The following OR56A3 variants were observed in gnomAD, a reference collection of about 807,000 sequenced individuals.
OR56A3 encodes olfactory receptor family 56 subfamily A member 3.
A neutral mutation model predicts 17.5 loss-of-function variants in OR56A3; 23 were observed. The ratio of observed to expected loss-of-function variants is 1.32; its 90% CI spans 0.95 to 1.87. The LOEUF is 1.87. Among genes scored for constraint, OR56A3 ranks in the 40% most tolerant of loss-of-function variants. The probability of loss-of-function intolerance (pLI) is 0.00; values close to 1 mark genes in which losing one functional copy is unlikely to be tolerated. For missense variants in OR56A3, 366 were observed against 380.1 expected (o/e 0.96, Z 0.31); for synonymous variants, 175 against 150.6 (o/e 1.16, Z -1.19).
the OR56A3 span, among the ~76,000 whole-genome samples, chr11:6,018,869 C>T: frequency 2.0e-5 from 3 of 151,756 alleles, no homozygotes; most frequent in South Asian, 2.1e-4. Flanking sequence ...CATAGAAATA[C>T]AAAATATTAT....
At chr11:5,969,491 G>A in the OR56A3 span, among the ~76,000 whole-genome samples, 7 of 152,076 alleles carry the variant, frequency 4.6e-5, no homozygotes, top group Non-Finnish European at 7.4e-5. Flanking sequence ...CAGCAGAATC[G>A]AGGCTCTATC....
chr11:6,005,010 A>G, the OR56A3 span, among the ~76,000 whole-genome samples: 2 of 152,158 alleles, frequency 1.3e-5, no homozygotes, highest in African/African-American at 2.4e-5. Flanking sequence ...TAAGGAGACA[A>G]TATTTCACAT....
At chr11:5,955,567 C>G (rs1847927986), downstream of OR56A3, among the ~76,000 whole-genome samples, 1 of 152,028 alleles carries the variant, frequency 6.6e-6, no homozygotes, top group African/African-American at 2.4e-5. Context: ...AAGCGGGCAC[C>G]TTGGGAGATT....
At chr11:6,013,808 G>A in the OR56A3 span, among the ~76,000 whole-genome samples, 11 of 152,012 alleles carry the variant, frequency 7.2e-5, no homozygotes, top group African/African-American at 2.2e-4. Flanking sequence ...TGCCACCACC[G>A]GCACCCACCT....
chr11:5,947,843 T>C lies in OR56A3; in HGVS notation c.497T>C (p.Leu166Pro), dbSNP rs201306705. 379 of 1,614,082 alleles carry C rather than the reference T, an allele frequency of 2.3e-4. No homozygotes were observed. Among genetic ancestry groups the C allele is most frequent in the Non-Finnish European group, 3.0e-4 (356 of 1,180,044 alleles). The change falls in exon 3 of 3, where the codon CTT becomes CCT. Residue 166 changes from leucine to proline, a missense_variant. Coordinates refer to ENST00000641160, the MANE Select transcript of OR56A3 (RefSeq NM_001003443.3). ...NVLMTLPIPI[L>P]SAQLRYCGRN... ...CTTATGACTCTGCCCATCCCCATCC[T>C]TTCAGCACAACTCCGTTATTGTGGA...
Position 5,947,563 on chromosome 11 carries a change from C to G in OR56A3, c.217C>G (p.Leu73Val). 8.1e-6 allele frequency: 13 copies of G among 1,614,176 alleles called. No homozygotes were observed. Among genetic ancestry groups the G allele is most frequent in the Non-Finnish European group, 1.0e-5 (12 of 1,180,038 alleles). The change falls in exon 3 of 3, where the codon CTG becomes GTG. Residue 73 changes from leucine to valine, a missense_variant. Transcript: ENST00000641160. ...CTACCTGCTCAGCCTCCTCTCCCTGCTGGACATCGTGCTCTGCCTCACTGT... is the reference window on the plus strand; with the variant it reads ...CTACCTGCTCAGCCTCCTCTCCCTGGTGGACATCGTGCTCTGCCTCACTGT... ...LYYLLSLLSL[L>V]DIVLCLTVIP...
At chr11:6,009,649 C>A in the OR56A3 span, among the ~76,000 whole-genome samples, 4 of 152,138 alleles carry the variant, frequency 2.6e-5, no homozygotes, top group Admixed American at 1.3e-4. Flanking sequence ...ATTGCCGCTC[C>A]TCTATAGGTA....
chr11:5,974,511 C>T, the OR56A3 span, among the ~76,000 whole-genome samples: 1 of 152,160 alleles, frequency 6.6e-6, no homozygotes, highest in Non-Finnish European at 1.5e-5. Context: ...CAAGAATGGA[C>T]ACTTAACATG....
At chr11:5,989,488 A>C in the OR56A3 span, among the ~76,000 whole-genome samples, 4 of 152,214 alleles carry the variant, frequency 2.6e-5, no homozygotes, top group East Asian at 7.7e-4. Flanking sequence ...AATAAGCGGA[A>C]AAGCAGAGAC....
chr11:5,956,126 A>T (rs1847930887), downstream of OR56A3, among the ~76,000 whole-genome samples: 1 of 152,256 alleles, frequency 6.6e-6, no homozygotes, highest in African/African-American at 2.4e-5. Context: ...CCTAGAAAAC[A>T]TAGCATTCTT....
the OR56A3 span, chr11:6,001,111 A>G: frequency 1.2e-4 from 18 of 152,218 alleles, no homozygotes; most frequent in Admixed American, 7.2e-4. Context: ...AGAATACACT[A>G]TTCTGTGAAA....
the OR56A3 span, among the ~76,000 whole-genome samples, chr11:5,983,584 C>T: frequency 6.6e-6 from 1 of 152,170 alleles, no homozygotes; most frequent in Non-Finnish European, 1.5e-5. Context: ...CTCATACTGC[C>T]TATTAGAACA....
At position 5,947,667 on chromosome 11, in the gene OR56A3, C is replaced by A; in HGVS notation, c.321C>A (p.Ile107=). 1 of 1,614,226 alleles carries A rather than the reference C, an allele frequency of 6.2e-7. No homozygotes were observed. Among genetic ancestry groups the A allele is most frequent in the Non-Finnish European group, 8.5e-7 (1 of 1,180,048 alleles). ...SFPACFLQMY[I]MNCFLAMESC... is the part of the protein sequence containing the mutation. ...CTGCCTGCTTCCTCCAGATGTACAT[C>A]ATGAATTGTTTCCTAGCCATGGAGT... Residue 107 remains isoleucine, a synonymous_variant, in exon 3 of 3, where the codon ATC becomes ATA. Transcript: ENST00000641160.
At chr11:5,954,376 GT>G (rs1847922733), downstream of OR56A3, among the ~76,000 whole-genome samples, 1 of 152,040 alleles carries the variant, frequency 6.6e-6, no homozygotes, top group Admixed American at 6.6e-5. Context: ...CAGATTTGCT[GT>G]TTTGTCATTG....
the OR56A3 span, among the ~76,000 whole-genome samples, chr11:5,981,735 T>C: frequency 6.6e-6 from 1 of 152,222 alleles, no homozygotes; most frequent in South Asian, 2.1e-4. Flanking sequence ...GAAGATACCC[T>C]GTCTTTTTGA....
At chr11:5,997,604 T>A in the OR56A3 span, among the ~76,000 whole-genome samples, 1 of 152,086 alleles carries the variant, frequency 6.6e-6, no homozygotes, top group Non-Finnish European at 1.5e-5. Context: ...ATTGGGATAG[T>A]GATTAACAGG....
the OR56A3 span, among the ~76,000 whole-genome samples, chr11:5,991,442 T>C: frequency 6.6e-6 from 1 of 152,182 alleles, no homozygotes; most frequent in Non-Finnish European, 1.5e-5. Flanking sequence ...GAGGGACAGG[T>C]CACATTTCAT....
chr11:5,943,421 C>T lies in OR56A3; in HGVS notation c.-314+1047C>T, dbSNP rs571020396. 5 of 149,940 alleles carry T rather than the reference C, an allele frequency of 3.3e-5. No individual in the cohort carries two copies. In the East Asian group the frequency reaches 9.9e-4, roughly 30 times the overall value. The allele number at this position is 149,940 out of a possible 1,614,324, so 9.3% of individuals were successfully genotyped here. A position where few individuals can be genotyped will look rare whatever the true frequency, so the allele number is the denominator to read the frequency against. On this transcript the variant is annotated intron_variant, in intron 1 of 2. Coordinates refer to ENST00000641160, the MANE Select transcript of OR56A3 (RefSeq NM_001003443.3). ...TTTCAAGATTTTCTCTACTTCCAAG[C>T]ACAAAACATTTAATTCCTTCTAGGA...
the OR56A3 span, chr11:6,019,226 A>AC: frequency 6.6e-6 from 1 of 151,470 alleles, no homozygotes; most frequent in African/African-American, 2.4e-5. Context: ...GAAAAAAAAA[A>AC]CTACAAGCCA....
Sources: allele counts gnomAD v4.1 joint callset (sites outside exome capture counted in the v4.1 genomes callset), GRCh38; gene constraint gnomAD v4.1.1; transcripts MANE v1.5; gene names NCBI Gene and HGNC (gene_info 2026-07-23, HGNC 2026-07-21).